ETV6: variants seen among roughly 807,000 people sequenced by gnomAD.
ETV6 encodes the protein transcription factor ETV6.
A neutral mutation model predicts 51.1 loss-of-function variants in ETV6; 16 were observed. The observed-to-expected ratio is 0.31, with a 90% CI of 0.21 to 0.48. The LOEUF is 0.48. ETV6 is among the 20% of genes least tolerant of loss of function. The probability of loss-of-function intolerance (pLI) is 0.99; values close to 1 mark genes in which losing one functional copy is unlikely to be tolerated. For synonymous variants in ETV6, 240 were observed against 224.1 expected (o/e 1.07, Z -0.64); for missense variants, 458 against 594.8 (o/e 0.77, Z 2.39).
chr12:11,835,917 G>A (rs546084639), intron 2 of ETV6, among the ~76,000 whole-genome samples: 2 of 152,338 alleles, frequency 1.3e-5, no homozygotes, highest in African/African-American at 2.4e-5. Flanking sequence ...GTGACCTTGG[G>A]CAAGTCCCTT....
intron 2 of ETV6, among the ~76,000 whole-genome samples, chr12:11,759,962 C>T (rs4763723): frequency 0.51 from 78,123 of 152,076 alleles, 22,482 homozygotes; most frequent in Admixed American, 0.68. Context: ...GCAGGATGAC[C>T]TTGACAACTT....
intron 7 of ETV6, among the ~76,000 whole-genome samples, chr12:11,887,708 A>T (rs1947218016): frequency 6.6e-6 from 1 of 150,500 alleles, no homozygotes; most frequent in African/African-American, 2.5e-5. Context: ...AGATCGCGCC[A>T]CTGCACTCCA....
At chr12:11,712,424 A>G (rs886821999) in intron 1 of ETV6, among the ~76,000 whole-genome samples, 18 of 152,292 alleles carry the variant, frequency 1.2e-4, no homozygotes, top group African/African-American at 4.3e-4. Flanking sequence ...TAGACGTGTG[A>G]CTTTGGAAAA....
At chr12:11,792,548 G>A (rs539235166) in intron 2 of ETV6, among the ~76,000 whole-genome samples, 9 of 152,120 alleles carry the variant, frequency 5.9e-5, no homozygotes, top group Admixed American at 4.6e-4. Flanking sequence ...TTAGCCAGGC[G>A]TGGTGGCGCA....
chr12:11,881,928 ATCTTC>A (rs1947103003), intron 5 of ETV6, among the ~76,000 whole-genome samples: 5 of 152,188 alleles, frequency 3.3e-5, no homozygotes, highest in Non-Finnish European at 7.3e-5. Context: ...TGGGTTGCTC[ATCTTC>A]TCCACACCCC....
intron 2 of ETV6, among the ~76,000 whole-genome samples, chr12:11,767,857 G>A (rs1945184932): frequency 6.6e-6 from 1 of 152,148 alleles, no homozygotes; most frequent in African/African-American, 2.4e-5. Context: ...AGGAAAAATG[G>A]GTGCTTGCCA....
chr12:11,866,607 C>T (rs1406503224), intron 4 of ETV6, among the ~76,000 whole-genome samples: 6 of 152,188 alleles, frequency 3.9e-5, no homozygotes, highest in Non-Finnish European at 7.3e-5. Context: ...AGCAGATCCC[C>T]TTGTCCTAGG....
intron 2 of ETV6, among the ~76,000 whole-genome samples, chr12:11,828,240 C>T (rs1046634596): frequency 6.6e-6 from 1 of 152,014 alleles, no homozygotes; most frequent in Non-Finnish European, 1.5e-5. Flanking sequence ...CCTCATTGTA[C>T]GTAAATTAAG....
intron 1 of ETV6, among the ~76,000 whole-genome samples, chr12:11,683,084 C>T (rs767007940): frequency 5.9e-5 from 9 of 152,318 alleles, no homozygotes; most frequent in Middle Eastern, 3.4e-3. Context: ...GAGATGGAAT[C>T]GCTCTCTCGC....
At chr12:11,673,156 A>G (rs1439984835) in intron 1 of ETV6, among the ~76,000 whole-genome samples, 3 of 152,174 alleles carry the variant, frequency 2.0e-5, no homozygotes, top group African/African-American at 7.2e-5. Flanking sequence ...TGAGGGTGCC[A>G]AGCTGCAGTG....
In ETV6 at chr12:11,893,339, T is replaced by C. The variant is rs956171081; in HGVS notation, c.*2293T>C. ...GGCCTCTTCACCCAAGTGCAAGAAC[T>C]CAGTCTCTTACTGTTCAAAGAATCT... On this transcript the variant is annotated 3_prime_UTR_variant, in exon 8 of 8. Coordinates refer to ENST00000396373, the MANE Select transcript of ETV6 (RefSeq NM_001987.5). 19 of 215,336 alleles carry C rather than the reference T, an allele frequency of 8.8e-5. No individual in the cohort carries two copies. The highest frequency in any genetic ancestry group is 4.1e-4 in the African/African-American group (17 of 41,540). 13.3% of individuals were successfully genotyped at this position (215,336 alleles called of 1,614,324 possible).
rs995602240 is a variant in ETV6, at chr12:11,816,243, G to T, written c.164-22897G>T. Among the ~76,000 whole-genome samples the T allele has an allele frequency of 6.6e-5, 10 of 152,292 alleles. No homozygotes were observed. The South Asian group carries it at 1.5e-3, about 22-fold the overall frequency. On this transcript the variant is annotated intron_variant, in intron 2 of 7. Coordinates refer to ENST00000396373, the MANE Select transcript of ETV6 (RefSeq NM_001987.5). ...TTTAAGCAAAAACAGTTAGCTTTAT[G>T]TTTTTGTTGTTGTTGTTGTTTGAGA...
rs74060891 is a variant in ETV6 at position 11,872,126 on chromosome 12, A to G, written c.1009+2157A>G. Among the ~76,000 whole-genome samples the G allele has an allele frequency of 4.8e-3, 736 of 152,344 alleles. 6 individuals are homozygous for G. The highest frequency in any genetic ancestry group is 0.017 in the African/African-American group (707 of 41,572). On this transcript the variant is annotated intron_variant, in intron 5 of 7. Coordinates refer to ENST00000396373, the MANE Select transcript of ETV6 (RefSeq NM_001987.5). ...TTATAATTCTCAGGACCGCTCTTTA[A>G]GGTAGCTCATGACTGCAGTATTCAT...
Position 11,853,411 on chromosome 12 carries a change from T to C in ETV6, c.329-16T>C, listed in dbSNP as rs569291579. On this transcript the variant is annotated splice_polypyrimidine_tract_variant and intron_variant, in intron 3 of 7. Coordinates refer to ENST00000396373, the MANE Select transcript of ETV6 (RefSeq NM_001987.5). ...ATCTTTCCATTTCTCGATTTCCCTT[T>C]CCTTTTTCTTTCCAGGTGATGTGCT... 1 of 1,613,994 alleles carries C rather than the reference T, an allele frequency of 6.2e-7. No individual in the cohort carries two copies. The highest frequency in any genetic ancestry group is 1.3e-5 in the African/African-American group (1 of 75,022).
intron 1 of ETV6, among the ~76,000 whole-genome samples, chr12:11,732,000 G>A (rs1449122169): frequency 6.6e-6 from 1 of 152,102 alleles, no homozygotes; most frequent in Non-Finnish European, 1.5e-5. Context: ...AGCATGGTTG[G>A]GTCACCCAAG....
chr12:11,791,451 T>C (rs892382355), intron 2 of ETV6, among the ~76,000 whole-genome samples: 3 of 152,194 alleles, frequency 2.0e-5, no homozygotes, highest in African/African-American at 7.2e-5. Context: ...TCTTTGTCCA[T>C]TGAAATTGTT....
rs1022855479 is a variant in ETV6, at chr12:11,869,554, G to A, written c.594G>A (p.Gln198=). The A allele has an allele frequency of 6.2e-7, 1 of 1,614,030 alleles. No homozygotes were observed. The highest frequency in any genetic ancestry group is 8.5e-7 in the Non-Finnish European group (1 of 1,180,028). ...ACCGGCCTTCTCCTGACCCCGAGCA[G>A]CGGCCCCTCCGGTCCCCCCTGGACA... ...TNHRPSPDPE[Q]RPLRSPLDNM... is the part of the protein sequence containing the mutation. The change falls in exon 5 of 8, where the codon CAG becomes CAA. Residue 198 remains glutamine, a synonymous_variant. Transcript: ENST00000396373. The surrounding 1 kb of genome is among the most constrained non-coding windows in gnomAD (Gnocchi z 5.0).
intron 2 of ETV6, among the ~76,000 whole-genome samples, chr12:11,816,536 G>A (rs979772725): frequency 1.3e-5 from 2 of 152,214 alleles, no homozygotes; most frequent in African/African-American, 2.4e-5. Context: ...GTGAGCCACT[G>A]CGCCCGGCCA....
At chr12:11,735,642 C>T (rs1444701529) in intron 1 of ETV6, among the ~76,000 whole-genome samples, 1 of 152,094 alleles carries the variant, frequency 6.6e-6, no homozygotes, top group African/African-American at 2.4e-5. Flanking sequence ...CTCTTGTTGC[C>T]CAGGCTGGAG....
Sources: allele counts gnomAD v4.1 joint callset (sites outside exome capture counted in the v4.1 genomes callset), GRCh38; gene constraint gnomAD v4.1.1; non-coding constraint Gnocchi (gnomAD v3.1); transcripts MANE v1.5; gene names NCBI Gene and HGNC (gene_info 2026-07-23, HGNC 2026-07-21).